DENND1A: variants seen among roughly 807,000 people sequenced by gnomAD.
DENND1A encodes the protein DENN domain-containing protein 1A.
DENND1A carries 51 observed loss-of-function variants against 113.7 expected under a neutral mutation model. The observed-to-expected ratio is 0.45, with a 90% CI of 0.36 to 0.57. DENND1A has a LOEUF of 0.57. Among genes scored for constraint, DENND1A ranks in the 20% least tolerant of loss-of-function variants. The pLI is 0.00. For synonymous variants in DENND1A, 565 were observed against 570.8 expected (o/e 0.99, Z 0.14); for missense variants, 1,258 against 1,395.9 (o/e 0.90, Z 1.57).
chr9:123,485,122 TG>T (rs1361468934), intron 13 of DENND1A, among the ~76,000 whole-genome samples: 1 of 152,126 alleles, frequency 6.6e-6, no homozygotes, highest in East Asian at 1.9e-4. Context: ...GGATCCCCAG[TG>T]TTGGGGGAGC....
At chr9:123,562,218 A>G (rs951969423) in intron 12 of DENND1A, among the ~76,000 whole-genome samples, 2 of 152,076 alleles carry the variant, frequency 1.3e-5, no homozygotes, top group Non-Finnish European at 2.9e-5. Context: ...CCTCACTTCC[A>G]CCTGCCCCAC....
chr9:123,440,315 TA>T (rs759352081), intron 19 of DENND1A, 44 bp downstream of exon 19: 410 of 1,367,414 alleles, frequency 3.0e-4, no homozygotes, highest in South Asian at 1.2e-3. Flanking sequence ...AAAACAAAAA[TA>T]AAAAAAAAAC....
intron 1 of DENND1A, among the ~76,000 whole-genome samples, chr9:123,928,011 C>T (rs1417933672): frequency 6.6e-6 from 1 of 152,250 alleles, no homozygotes; most frequent in African/African-American, 2.4e-5. Flanking sequence ...GGTTTCACCA[C>T]AAGCTAACAT....
At chr9:123,619,511 C>A (rs750144437) in intron 10 of DENND1A, among the ~76,000 whole-genome samples, 17 of 152,176 alleles carry the variant, frequency 1.1e-4, no homozygotes, top group Non-Finnish European at 2.5e-4. Context: ...CCTCAACTCT[C>A]CACGTTCAGG....
chr9:123,461,876 G>C (rs1001621005), intron 13 of DENND1A: 1 of 138,488 alleles, frequency 7.2e-6, no homozygotes, highest in Non-Finnish European at 1.6e-5. Context: ...GTGTGAATTA[G>C]ACATGGGAAG....
At chr9:123,751,737 A>T (rs927122066) in intron 5 of DENND1A, 11 of 151,930 alleles carry the variant, frequency 7.2e-5, no homozygotes, top group African/African-American at 2.4e-4. Context: ...TATACCTTTC[A>T]TTTCTTGGGG....
chr9:123,855,914 G>A (rs1446820346), intron 2 of DENND1A, among the ~76,000 whole-genome samples: 2 of 152,118 alleles, frequency 1.3e-5, no homozygotes, highest in African/African-American at 4.8e-5. Flanking sequence ...GCACATGCCT[G>A]TAATCCCAGC....
chr9:123,601,065 C>T (rs774738139), intron 11 of DENND1A, among the ~76,000 whole-genome samples: 4 of 152,106 alleles, frequency 2.6e-5, no homozygotes, highest in Admixed American at 6.5e-5. Flanking sequence ...CTAAATGCAA[C>T]CTATATATAA....
intron 13 of DENND1A, among the ~76,000 whole-genome samples, chr9:123,465,380 A>T (rs763954904): frequency 1.4e-5 from 2 of 141,624 alleles, no homozygotes; most frequent in Non-Finnish European, 1.5e-5. Context: ...TATTTGATCA[A>T]TTTAGATGAC....
At chr9:123,516,107 T>C (rs1454883396) in intron 13 of DENND1A, among the ~76,000 whole-genome samples, 21 of 138,568 alleles carry the variant, frequency 1.5e-4, no homozygotes, top group African/African-American at 3.6e-4. Flanking sequence ...TACACACACA[T>C]ACACACACAC....
At chr9:123,702,198 T>A (rs112894649) in intron 5 of DENND1A, among the ~76,000 whole-genome samples, 3,074 of 152,006 alleles carry the variant, frequency 0.02, 52 homozygotes, top group Non-Finnish European at 0.028. Flanking sequence ...GCAGACCTGA[T>A]TAAGCAGAAG....
At chr9:123,566,101 A>G in intron 12 of DENND1A, among the ~76,000 whole-genome samples, 1 of 152,206 alleles carries the variant, frequency 6.6e-6, no homozygotes. Context: ...AGCCAAAGTC[A>G]AGTCCAAGTC....
At chr9:123,855,862 A>AC (rs1844097900) in intron 2 of DENND1A, among the ~76,000 whole-genome samples, 1 of 151,832 alleles carries the variant, frequency 6.6e-6, no homozygotes, top group Non-Finnish European at 1.5e-5. Flanking sequence ...ACATGGAGAA[A>AC]CCCCACCTCT....
rs770996212 is a variant in DENND1A at position 123,682,840 on chromosome 9, ATCTC to A, written c.303-6055_303-6052del. On this transcript the variant is annotated intron_variant, in intron 5 of 23. Transcript: ENST00000394215. ...CCCCTTGGCAATCTCAGCTTTGGGA[ATCTC>A]TCTTTGATTCCTGGTGTCTGGGTCA... is the stretch of plus-strand genomic sequence containing the variant. Among the ~76,000 whole-genome samples, 137 of 152,272 alleles carry A rather than the reference ATCTC, an allele frequency of 9.0e-4. No homozygotes were observed. The Middle Eastern group carries it at 0.01, about 11-fold the overall frequency.
intron 20 of DENND1A, among the ~76,000 whole-genome samples, chr9:123,406,529 G>C (rs979505199): frequency 6.6e-6 from 1 of 152,228 alleles, no homozygotes; most frequent in South Asian, 2.1e-4. Flanking sequence ...GGTATGTCAT[G>C]GTTGCTCAGC....
Position 123,380,226 on chromosome 9 carries a change from G to A in DENND1A, c.*1206C>T, listed in dbSNP as rs996932477. 1 of 152,302 alleles carries A rather than the reference G, an allele frequency of 6.6e-6. No individual in the cohort carries two copies. The highest frequency in any genetic ancestry group is 2.4e-5 in the African/African-American group (1 of 41,384). The allele number at this position is 152,302 out of a possible 1,614,324, so 9.4% of individuals were successfully genotyped here. ...CAGATGGTTGTTTTCTTAAATGGTCGGGCCATACTTTAACTTGGTTTATGG... is the reference window on the plus strand; with the variant it reads ...CAGATGGTTGTTTTCTTAAATGGTCAGGCCATACTTTAACTTGGTTTATGG... On this transcript the variant is annotated 3_prime_UTR_variant, in exon 24 of 24. Coordinates refer to ENST00000394215, the MANE Select transcript of DENND1A (RefSeq NM_001352964.2).
At chr9:123,771,300 T>A (rs1203072702) in intron 3 of DENND1A, among the ~76,000 whole-genome samples, 2 of 152,188 alleles carry the variant, frequency 1.3e-5, no homozygotes, top group African/African-American at 4.8e-5. Context: ...CATAAAACAT[T>A]TAATGCCTGC....
At chr9:123,774,453 G>T (rs1330288088) in intron 3 of DENND1A, among the ~76,000 whole-genome samples, 1 of 152,158 alleles carries the variant, frequency 6.6e-6, no homozygotes, top group Admixed American at 6.5e-5. Flanking sequence ...ATGTTGATCA[G>T]AAGTTTCCTA....
intron 13 of DENND1A, among the ~76,000 whole-genome samples, chr9:123,519,885 C>A (rs111346138): frequency 6.6e-6 from 1 of 151,976 alleles, no homozygotes; most frequent in African/African-American, 2.4e-5. Flanking sequence ...CCAGGCTGGG[C>A]GCGGTGGCTC....
Sources: allele counts gnomAD v4.1 joint callset (sites outside exome capture counted in the v4.1 genomes callset), GRCh38; gene constraint gnomAD v4.1.1; transcripts MANE v1.5; gene names NCBI Gene and HGNC (gene_info 2026-07-23, HGNC 2026-07-21).